The following CPSF4L variants were observed in gnomAD, a reference collection of about 807,000 sequenced individuals.
CPSF4L encodes putative cleavage and polyadenylation specificity factor subunit 4-like protein.
Under a neutral mutation model 24.0 loss-of-function variants are expected in CPSF4L, and 18 were observed. The ratio of observed to expected loss-of-function variants is 0.75; its 90% CI spans 0.52 to 1.11. The LOEUF (loss-of-function observed/expected upper bound fraction) is 1.11. CPSF4L is among the 50% of genes least tolerant of loss of function. The pLI is 0.00. For synonymous variants in CPSF4L, 72 were observed against 77.2 expected (o/e 0.93, Z 0.35); for missense variants, 211 against 221.8 (o/e 0.95, Z 0.31).
At chr17:73,245,646 CT>C, downstream of CPSF4L, 1 of 985,342 alleles carries the variant, frequency 1.0e-6, no homozygotes, top group Non-Finnish European at 1.2e-6. Flanking sequence ...GGCCCTTCCC[CT>C]TAGTTTCTTT....
downstream of CPSF4L, among the ~76,000 whole-genome samples, chr17:73,246,269 C>T (rs960352729): frequency 5.3e-5 from 8 of 152,140 alleles, no homozygotes; most frequent in African/African-American, 1.9e-4. Context: ...TGCGGTGGCT[C>T]ACGCCTGTAA....
chr17:73,256,529 G>C (rs534494543), intron 3 of CPSF4L, among the ~76,000 whole-genome samples: 26 of 152,320 alleles, frequency 1.7e-4, no homozygotes, highest in Non-Finnish European at 2.4e-4. Flanking sequence ...GATTCTGCCA[G>C]CTCTCTCTTT....
chr17:73,248,534 T>G lies in CPSF4L; in HGVS notation c.500A>C (p.Lys167Thr), dbSNP rs1185055762. 1 of 1,551,684 alleles carries G rather than the reference T, an allele frequency of 6.4e-7. No homozygotes were observed. The highest frequency in any genetic ancestry group is 8.7e-7 in the Non-Finnish European group (1 of 1,146,968). The change falls in exon 6 of 6, where the codon AAG becomes ACG. Residue 167 changes from lysine to threonine, a missense_variant and splice_region_variant. By Grantham distance (78) the Lys-to-Thr change is moderately conservative. Transcript: ENST00000344935. ...AGGCAGCAGCTTGAATTCCCGAATC[T>G]TCCTGCAAGGTGCATACAAATGCAG... ...PEGPKCQFAQ[K>T]IREFKLLPGS...
intron 5 of CPSF4L, chr17:73,250,292 C>G: frequency 6.4e-7 from 1 of 1,550,612 alleles, no homozygotes; most frequent in Middle Eastern, 1.7e-4. Context: ...GCATAATGGC[C>G]TGGTCTTTGA....
downstream of CPSF4L, chr17:73,248,058 C>T (rs1052805065): frequency 6.3e-6 from 1 of 159,884 alleles, no homozygotes; most frequent in Non-Finnish European, 1.4e-5. Flanking sequence ...AGATTTAGAT[C>T]TAAACAAACT....
intron 3 of CPSF4L, among the ~76,000 whole-genome samples, chr17:73,254,350 G>A (rs755335017): frequency 4.6e-5 from 7 of 152,226 alleles, no homozygotes; most frequent in Non-Finnish European, 1.0e-4. Flanking sequence ...GAAGGCCTGC[G>A]ACGTTAAGTG....
chr17:73,250,622 TG>T (rs1416726363), intron 5 of CPSF4L, among the ~76,000 whole-genome samples: 1 of 151,984 alleles, frequency 6.6e-6, no homozygotes, highest in Non-Finnish European at 1.5e-5. Flanking sequence ...TGATCAAACA[TG>T]ATTTTTTTTC....
At chr17:73,255,934 A>C (rs1301340227) in intron 3 of CPSF4L, among the ~76,000 whole-genome samples, 1 of 152,202 alleles carries the variant, frequency 6.6e-6, no homozygotes, top group East Asian at 1.9e-4. Context: ...CCCGGACACC[A>C]GTCCCTTCCA....
intron 2 of CPSF4L, among the ~76,000 whole-genome samples, chr17:73,259,473 C>T (rs1307660885): frequency 6.6e-6 from 1 of 152,180 alleles, no homozygotes; most frequent in African/African-American, 2.4e-5. Context: ...GAGCCTACTC[C>T]CCCGGCCAAG....
downstream of CPSF4L, chr17:73,247,287 C>T: frequency 6.2e-7 from 1 of 1,614,188 alleles, no homozygotes; most frequent in Non-Finnish European, 8.5e-7. Flanking sequence ...TACCTCCATG[C>T]ATTGGTGTGG....
downstream of CPSF4L, chr17:73,245,504 AC>A (rs1226048674): frequency 1.3e-5 from 13 of 985,318 alleles, no homozygotes; most frequent in Non-Finnish European, 1.6e-5. Context: ...AAAGTTCATC[AC>A]TAAAATTAAG....
chr17:73,262,977 G>A (rs769887054), upstream of CPSF4L, among the ~76,000 whole-genome samples: 41 of 152,296 alleles, frequency 2.7e-4, no homozygotes, highest in Non-Finnish European at 5.1e-4. Flanking sequence ...ACCTGGAGCC[G>A]AGGTGGGACT....
At chr17:73,248,681 G>T in intron 5 of CPSF4L, 145 bp from the exon 6 acceptor site, 1 of 839,490 alleles carries the variant, frequency 1.2e-6, no homozygotes, top group Non-Finnish European at 1.9e-6. Flanking sequence ...GTTACTACAA[G>T]TTGGGAATAT....
At chr17:73,242,266 A>T in the CPSF4L span, 3 of 1,598,324 alleles carry the variant, frequency 1.9e-6, no homozygotes, top group Non-Finnish European at 2.6e-6. Flanking sequence ...AACGAAGCTC[A>T]ACTCATATAA....
intron 2 of CPSF4L, 115 bp from the exon 3 acceptor site, chr17:73,257,948 C>T (rs2062030011): frequency 9.1e-7 from 1 of 1,097,922 alleles, no homozygotes; most frequent in Non-Finnish European, 1.3e-6. Context: ...CGGCTGTCCC[C>T]TTATCCCTTC....
intron 2 of CPSF4L, among the ~76,000 whole-genome samples, chr17:73,260,689 C>T (rs1253355485): frequency 6.6e-6 from 1 of 152,178 alleles, no homozygotes; most frequent in Non-Finnish European, 1.5e-5. Context: ...ATCGCTTGAA[C>T]CCAGGAGGCA....
intron 3 of CPSF4L, among the ~76,000 whole-genome samples, chr17:73,254,518 A>G (rs1188858540): frequency 6.6e-6 from 1 of 152,222 alleles, no homozygotes; most frequent in Non-Finnish European, 1.5e-5. Flanking sequence ...GAAACATTCT[A>G]CAGAGTGGGC....
At chr17:73,254,419 T>C (rs1415341821) in intron 3 of CPSF4L, among the ~76,000 whole-genome samples, 2 of 152,176 alleles carry the variant, frequency 1.3e-5, no homozygotes, top group Admixed American at 1.3e-4. Flanking sequence ...ACAAAACCCA[T>C]GCTGCCTGCA....
chr17:73,245,595 A>G (rs2061939347), downstream of CPSF4L: 1 of 985,338 alleles, frequency 1.0e-6, no homozygotes, highest in African/African-American at 1.7e-5. Context: ...ATATGTTGAT[A>G]CAGGAAAGTA....
Sources: allele counts gnomAD v4.1 joint callset (sites outside exome capture counted in the v4.1 genomes callset), GRCh38; gene constraint gnomAD v4.1.1; transcripts MANE v1.5; gene names NCBI Gene and HGNC (gene_info 2026-07-23, HGNC 2026-07-21).